The following SULF1 variants were observed in gnomAD, a reference collection of about 807,000 sequenced individuals.
SULF1 encodes the protein extracellular sulfatase Sulf-1.
In SULF1, 46 loss-of-function variants were observed where a neutral mutation model predicts 110.5. The ratio of observed to expected loss-of-function variants is 0.42; its 90% CI spans 0.33 to 0.53. The LOEUF (loss-of-function observed/expected upper bound fraction) is 0.53. SULF1 is among the 20% of genes least tolerant of loss of function. The pLI is 0.12. For synonymous variants in SULF1, 371 were observed against 387.1 expected (o/e 0.96, Z 0.49); for missense variants, 941 against 1,094.2 (o/e 0.86, Z 1.98).
chr8:69,652,444 T>C (rs1332950817), intron 22 of SULF1, among the ~76,000 whole-genome samples: 1 of 152,234 alleles, frequency 6.6e-6, no homozygotes, highest in Non-Finnish European at 1.5e-5. Context: ...TCTATTAGTA[T>C]TCTCTTTTCA....
intron 8 of SULF1, among the ~76,000 whole-genome samples, chr8:69,592,689 T>A (rs1806995959): frequency 6.6e-6 from 1 of 152,220 alleles, no homozygotes; most frequent in South Asian, 2.1e-4. Context: ...GCCTGGGACA[T>A]ACAAGCCACT....
At chr8:69,603,115 T>C (rs1444858198) in intron 10 of SULF1, 77 bp from the exon 11 acceptor site, 1 of 1,593,280 alleles carries the variant, frequency 6.3e-7, no homozygotes, top group Non-Finnish European at 8.6e-7. Flanking sequence ...AATGAGTCAC[T>C]GCTGTAGAAA....
At chr8:69,658,042 T>G (rs1586652434) in intron 22 of SULF1, among the ~76,000 whole-genome samples, 2 of 152,248 alleles carry the variant, frequency 1.3e-5, no homozygotes, top group East Asian at 1.9e-4. Context: ...AAAAATATCA[T>G]ACTAAGCATT....
intron 1 of SULF1, among the ~76,000 whole-genome samples, chr8:69,471,445 T>C (rs1809079855): frequency 6.6e-6 from 1 of 151,884 alleles, no homozygotes; most frequent in South Asian, 2.1e-4. Flanking sequence ...TGGGGGAAAC[T>C]TAAGGAAAAT....
At chr8:69,513,325 G>A (rs1384483866) in intron 3 of SULF1, among the ~76,000 whole-genome samples, 4 of 152,262 alleles carry the variant, frequency 2.6e-5, no homozygotes, top group Middle Eastern at 3.4e-3. Flanking sequence ...TGGAAATAGA[G>A]CCAGAAATAA....
upstream of SULF1, among the ~76,000 whole-genome samples, chr8:69,487,969 C>T (rs1028137561): frequency 1.3e-5 from 2 of 152,126 alleles, no homozygotes; most frequent in African/African-American, 4.8e-5. Flanking sequence ...AGTTTCTCCA[C>T]CCATAAAGAG....
At chr8:69,579,631 T>G (rs1015021370) in intron 6 of SULF1, among the ~76,000 whole-genome samples, 3 of 151,828 alleles carry the variant, frequency 2.0e-5, no homozygotes, top group African/African-American at 7.3e-5. Flanking sequence ...AATTTATCCT[T>G]GATGGGAAAA....
At chr8:69,475,183 A>T (rs1380119018) in intron 1 of SULF1, among the ~76,000 whole-genome samples, 1 of 152,160 alleles carries the variant, frequency 6.6e-6, no homozygotes, top group Non-Finnish European at 1.5e-5. Flanking sequence ...GCCTTGCTAT[A>T]ATAAGCATTT....
chr8:69,601,689 G>A lies in SULF1; in HGVS notation c.921G>A (p.Glu307=), dbSNP rs767725647. 6.2e-7 allele frequency: 1 copy of A among 1,612,514 alleles called. No individual in the cohort carries two copies. The highest frequency in any genetic ancestry group is 8.5e-7 in the Non-Finnish European group (1 of 1,179,386). ...TGCTCGTGGAGACGGGGGAGCTGGA[G>A]AATACTTACATCATTTACACCGCCG... is the stretch of plus-strand genomic sequence containing the variant. The part of the protein sequence containing the change: ...YNMLVETGEL[E]NTYIIYTADH... The change falls in exon 10 of 23, where the codon GAG becomes GAA. Residue 307 remains glutamate, a synonymous_variant. Transcript: ENST00000402687.
At chr8:69,600,194 C>A (rs1264564442) in intron 8 of SULF1, among the ~76,000 whole-genome samples, 1 of 152,140 alleles carries the variant, frequency 6.6e-6, no homozygotes. Flanking sequence ...TTTGTGACTA[C>A]ATTTAATAGC....
intron 3 of SULF1, among the ~76,000 whole-genome samples, chr8:69,503,566 G>T (rs1260231755): frequency 6.6e-6 from 1 of 152,178 alleles, no homozygotes; most frequent in Non-Finnish European, 1.5e-5. Context: ...GAATCAGGTT[G>T]TGAACAATTT....
intron 1 of SULF1, among the ~76,000 whole-genome samples, chr8:69,474,204 G>A (rs1304353087): frequency 6.6e-6 from 1 of 152,122 alleles, no homozygotes; most frequent in African/African-American, 2.4e-5. Flanking sequence ...AAAGATATTA[G>A]CTATACCAGA....
At chr8:69,523,964 GA>G (rs1812499332) in intron 3 of SULF1, among the ~76,000 whole-genome samples, 1 of 152,124 alleles carries the variant, frequency 6.6e-6, no homozygotes, top group Non-Finnish European at 1.5e-5. Flanking sequence ...TCACATCCAA[GA>G]GCTTTGAAAT....
At chr8:69,639,446 T>A (rs548450751) in intron 21 of SULF1, among the ~76,000 whole-genome samples, 1 of 152,342 alleles carries the variant, frequency 6.6e-6, no homozygotes, top group African/African-American at 2.4e-5. Context: ...CAGCTATGTG[T>A]GTTAAACTGG....
At chr8:69,496,396 C>G (rs1810358345) in intron 2 of SULF1, among the ~76,000 whole-genome samples, 1 of 152,240 alleles carries the variant, frequency 6.6e-6, no homozygotes, top group Non-Finnish European at 1.5e-5. Context: ...TCACTTAATT[C>G]ACCAAACTTT....
At chr8:69,584,951 CA>C (rs748005721) in intron 6 of SULF1, among the ~76,000 whole-genome samples, 2 of 152,186 alleles carry the variant, frequency 1.3e-5, no homozygotes, top group Non-Finnish European at 2.9e-5. Flanking sequence ...TAAAGTGCTG[CA>C]ATTCTAGAAT....
chr8:69,515,298 A>G (rs1811854174), intron 3 of SULF1, among the ~76,000 whole-genome samples: 1 of 152,124 alleles, frequency 6.6e-6, no homozygotes. Flanking sequence ...GCCCAACACC[A>G]TGTGGAAGCC....
intron 8 of SULF1, among the ~76,000 whole-genome samples, chr8:69,592,309 A>G (rs1806964316): frequency 6.6e-6 from 1 of 152,152 alleles, no homozygotes; most frequent in African/African-American, 2.4e-5. Flanking sequence ...CAGAATATTG[A>G]GGGTGTCAGT....
At chr8:69,570,733 C>T (rs1192035379) in intron 5 of SULF1, among the ~76,000 whole-genome samples, 1 of 152,176 alleles carries the variant, frequency 6.6e-6, no homozygotes, top group Admixed American at 6.5e-5. Context: ...TTGATGGATT[C>T]CTGAAGGGTG....
Sources: gnomAD v4.1 joint callset for allele counts (sites outside exome capture counted in the v4.1 genomes callset) on GRCh38, gnomAD v4.1.1 for gene constraint, MANE v1.5 for transcripts, NCBI Gene and HGNC (gene_info 2026-07-23, HGNC 2026-07-21) for gene names.